The following PLEKHH2 variants were observed in gnomAD, a reference collection of about 807,000 sequenced individuals.
PLEKHH2 encodes pleckstrin homology, MyTH4 and FERM domain containing H2, also known as pleckstrin homology domain-containing family H member 2.
A neutral mutation model predicts 187.9 loss-of-function variants in PLEKHH2; 129 were observed. The ratio of observed to expected loss-of-function variants is 0.69; its 90% confidence interval spans 0.59 to 0.79. PLEKHH2 has a LOEUF of 0.79. PLEKHH2 is among the 30% of genes least tolerant of loss of function. The pLI, the probability that PLEKHH2 is intolerant of heterozygous loss-of-function variation, is 0.00. For missense variants in PLEKHH2, 2,076 were observed against 1,751.2 expected (o/e 1.19, Z -3.31); for synonymous variants, 686 against 605.6 (o/e 1.13, Z -1.95).
chr2:43,685,008 C>T (rs1016636641), intron 3 of PLEKHH2, among the ~76,000 whole-genome samples: 1 of 152,196 alleles, frequency 6.6e-6, no homozygotes, highest in African/African-American at 2.4e-5. Context: ...ATACAGACAG[C>T]AGATGAATTC....
At chr2:43,668,504 C>CGG (rs1182986933) in intron 2 of PLEKHH2, among the ~76,000 whole-genome samples, 2 of 152,160 alleles carry the variant, frequency 1.3e-5, no homozygotes, top group Non-Finnish European at 2.9e-5. Context: ...TGATGATTTA[C>CGG]TGATCAGTTC....
At chr2:43,677,144 T>G (rs1051251553) in intron 2 of PLEKHH2, among the ~76,000 whole-genome samples, 1 of 152,220 alleles carries the variant, frequency 6.6e-6, no homozygotes, top group Non-Finnish European at 1.5e-5. Flanking sequence ...GTGCTAACTG[T>G]ATTTAACTCA....
chr2:43,638,980 A>G (rs1703244622), intron 1 of PLEKHH2, among the ~76,000 whole-genome samples: 1 of 152,238 alleles, frequency 6.6e-6, no homozygotes, highest in Non-Finnish European at 1.5e-5. Context: ...CTACTTCACT[A>G]TAAAATATAT....
chr2:43,680,024 C>T (rs1668088492), intron 3 of PLEKHH2, among the ~76,000 whole-genome samples: 1 of 152,034 alleles, frequency 6.6e-6, no homozygotes, highest in Non-Finnish European at 1.5e-5. Context: ...CTGGGTCTTC[C>T]AGCATTAAAA....
intron 10 of PLEKHH2, 129 bp downstream of exon 10, chr2:43,706,545 A>C: frequency 2.9e-6 from 2 of 678,392 alleles, no homozygotes; most frequent in South Asian, 3.8e-5. Context: ...AAGTTTTACA[A>C]GTTCACGTTA....
At chr2:43,713,195 TTTAATTA>T (rs1670052634) in intron 15 of PLEKHH2, among the ~76,000 whole-genome samples, 2 of 152,156 alleles carry the variant, frequency 1.3e-5, no homozygotes, top group Admixed American at 1.3e-4. Flanking sequence ...TTGCAAAAGA[TTTAATTA>T]TGAGATGTTC....
At chr2:43,680,212 G>T (rs1668097790) in intron 3 of PLEKHH2, among the ~76,000 whole-genome samples, 1 of 152,084 alleles carries the variant, frequency 6.6e-6, no homozygotes, top group Admixed American at 6.5e-5. Context: ...ATAATTTATT[G>T]CATATTTACA....
intron 3 of PLEKHH2, among the ~76,000 whole-genome samples, chr2:43,687,574 A>G (rs537442515): frequency 8.8e-4 from 134 of 152,202 alleles, no homozygotes; most frequent in Non-Finnish European, 1.6e-3. Flanking sequence ...ACTGCTTTTT[A>G]TAGTGGCTGA....
Position 43,742,892 on chromosome 2 carries a change from G to T in PLEKHH2, c.3373G>T (p.Val1125Leu), listed in dbSNP as rs772876460. 5.2e-5 allele frequency: 82 copies of T among 1,582,892 alleles called. No homozygotes were observed. Among genetic ancestry groups the T allele is most frequent in the Non-Finnish European group, 6.6e-5 (77 of 1,168,172 alleles). ...CCATTCTTTGCCCTTTAGTATACCT[G>T]TGCACTTCATGAATGGGATATACCA... ...YHHSLPFSIP[V>L]HFMNGIYQVV... The change falls in exon 22 of 30, where the codon GTG becomes TTG. Residue 1125 changes from valine (V) to leucine (L), a missense_variant. Coordinates refer to ENST00000282406, the MANE Select transcript of PLEKHH2 (RefSeq NM_172069.4).
intron 2 of PLEKHH2, among the ~76,000 whole-genome samples, chr2:43,650,144 C>CTTTTTTTTTTT (rs70965311): frequency 2.1e-5 from 2 of 95,664 alleles, no homozygotes; most frequent in Non-Finnish European, 4.0e-5. Context: ...TTTTTCTTTC[C>CTTTTTTTTTTT]TTTTTTTTTT....
At chr2:43,742,678 T>C (rs1671619634) in intron 21 of PLEKHH2, 63 bp from the exon 22 acceptor site, 1 of 1,241,192 alleles carries the variant, frequency 8.1e-7, no homozygotes, top group East Asian at 2.8e-5. Context: ...TTCTTAATGG[T>C]TGCACATATT....
At position 43,675,794 on chromosome 2, in the gene PLEKHH2, C is replaced by A. The variant is rs754442001; in HGVS notation, c.124-3069C>A. ...ATCCCTCCTTCCACAGTCACGTATTCGAGGTCTCCAAATATAACAGTGTGG... is the reference window on the plus strand; with the variant it reads ...ATCCCTCCTTCCACAGTCACGTATTAGAGGTCTCCAAATATAACAGTGTGG... On this transcript the variant is annotated intron_variant, in intron 2 of 29. Transcript: ENST00000282406. The A allele has an allele frequency of 5.6e-6, 9 of 1,613,728 alleles. No individual in the cohort carries two copies. In the African/African-American group the frequency reaches 1.2e-4, roughly 22 times the overall value.
intron 2 of PLEKHH2, among the ~76,000 whole-genome samples, chr2:43,658,296 G>A (rs1205590111): frequency 6.6e-6 from 1 of 152,144 alleles, no homozygotes; most frequent in East Asian, 1.9e-4. Flanking sequence ...TGTATTAAAT[G>A]ATACATGAAT....
chr2:43,743,599 T>C (rs946047032), intron 22 of PLEKHH2, among the ~76,000 whole-genome samples: 2 of 152,244 alleles, frequency 1.3e-5, no homozygotes, highest in Admixed American at 1.3e-4. Flanking sequence ...CTGATCATTC[T>C]ATTTTGGATT....
In PLEKHH2 at chr2:43,741,059, G is replaced by A. The variant is rs1232465261; in HGVS notation, c.3221+16G>A. The A allele has an allele frequency of 1.3e-6, 2 of 1,592,340 alleles. No individual in the cohort carries two copies. The highest frequency in any genetic ancestry group is 1.3e-5 in the African/African-American group (1 of 74,272). On this transcript the variant is annotated intron_variant, in intron 21 of 29. Coordinates refer to ENST00000282406, the MANE Select transcript of PLEKHH2 (RefSeq NM_172069.4). ...CAGATTCCAGGTGTGCAGAATACTAGCCAGCTGAACTGTTTATGTGGCCTC... is the reference window on the plus strand; with the variant it reads ...CAGATTCCAGGTGTGCAGAATACTAACCAGCTGAACTGTTTATGTGGCCTC...
At chr2:43,639,072 T>C (rs1703247972) in intron 1 of PLEKHH2, among the ~76,000 whole-genome samples, 1 of 152,226 alleles carries the variant, frequency 6.6e-6, no homozygotes, top group East Asian at 1.9e-4. Context: ...CTAGGTAAGA[T>C]ATATGTATGA....
At chr2:43,746,145 T>C (rs1260151408) in intron 24 of PLEKHH2, among the ~76,000 whole-genome samples, 182 bp downstream of exon 24, 1 of 152,260 alleles carries the variant, frequency 6.6e-6, no homozygotes, top group Non-Finnish European at 1.5e-5. Flanking sequence ...TGTTTCTAAT[T>C]CTAGTCTCTT....
In PLEKHH2 at chr2:43,729,737, G is replaced by T; in HGVS notation, c.2822G>T (p.Gly941Val). The change falls in exon 18 of 30, where the codon GGG becomes GTG. Residue 941 changes from glycine to valine, a missense_variant. By Grantham distance (109) the Gly-to-Val change is moderately radical. Coordinates refer to ENST00000282406, the MANE Select transcript of PLEKHH2 (RefSeq NM_172069.4). Reference sequence around the variant, plus strand: ...GTTTGCAAATTGCTAAATATAGACGGGGAGCCTTGTAAGTTCATAAACATA... The same window carrying T: ...GTTTGCAAATTGCTAAATATAGACGTGGAGCCTTGTAAGTTCATAAACATA... ...QLVCKLLNID[G>V]EPSSQIWRHP... The T allele has an allele frequency of 5.6e-6, 9 of 1,593,308 alleles. No individual in the cohort carries two copies. The highest frequency in any genetic ancestry group is 6.0e-6 in the Non-Finnish European group (7 of 1,169,474).
chr2:43,685,975 T>A (rs1305410075), intron 3 of PLEKHH2, among the ~76,000 whole-genome samples: 1 of 152,220 alleles, frequency 6.6e-6, no homozygotes, highest in East Asian at 1.9e-4. Flanking sequence ...AAAGTATGTG[T>A]CTTTTTATTT....
Sources: allele counts gnomAD v4.1 joint callset (sites outside exome capture counted in the v4.1 genomes callset), GRCh38; gene constraint gnomAD v4.1.1; transcripts MANE v1.5; gene names NCBI Gene and HGNC (gene_info 2026-07-23, HGNC 2026-07-21).